ERH: variants seen among roughly 807,000 people sequenced by gnomAD.
ERH encodes enhancer of rudimentary homolog.
ERH carries 1 observed loss-of-function variant against 16.8 expected under a neutral mutation model. That is an observed-to-expected ratio of 0.06 (90% confidence interval 0.02 to 0.28). The LOEUF (loss-of-function observed/expected upper bound fraction) is 0.28. Among genes scored for constraint, ERH ranks in the 10% least tolerant of loss-of-function variants. The pLI is 1.00. For missense variants in ERH, 42 were observed against 127.5 expected (o/e 0.33, Z 3.23); for synonymous variants, 43 against 43.6 (o/e 0.99, Z 0.05).
chr14:69,390,483 C>T lies in ERH; in HGVS notation c.92-3400G>A, dbSNP rs542742722. On this transcript the variant is annotated intron_variant, in intron 2 of 3. Coordinates refer to ENST00000557016, the MANE Select transcript of ERH (RefSeq NM_004450.3). ...AGAACAGTATTTTCAACAAATGATG[C>T]TAGGACAACAGGATAGTCACATGTG... Among the ~76,000 whole-genome samples the T allele has an allele frequency of 1.1e-4, 16 of 152,146 alleles. 1 individual carries two copies. The highest frequency in any genetic ancestry group is 1.9e-4 in the Non-Finnish European group (13 of 68,024).
chr14:69,397,462 A>C (rs962726160), intron 1 of ERH, among the ~76,000 whole-genome samples: 2 of 152,118 alleles, frequency 1.3e-5, no homozygotes, highest in Non-Finnish European at 2.9e-5. Context: ...GAAAAAAAAA[A>C]AAAAGGCAGA....
chr14:69,387,827 G>A (rs75431751), intron 2 of ERH, among the ~76,000 whole-genome samples: 17,259 of 152,068 alleles, frequency 0.11, 1,080 homozygotes, highest in East Asian at 0.18. Flanking sequence ...GGCGGATCAC[G>A]AGGTCAGGAG....
intron 2 of ERH, among the ~76,000 whole-genome samples, chr14:69,388,582 G>A (rs1308431275): frequency 6.6e-6 from 1 of 152,068 alleles, no homozygotes; most frequent in Non-Finnish European, 1.5e-5. Context: ...GGCTGATCTT[G>A]AACTCCTGAC....
Position 69,380,680 on chromosome 14 carries a change from A to G in ERH, c.213-40T>C, listed in dbSNP as rs186509328. 1.7e-5 allele frequency: 20 copies of G among 1,180,426 alleles called. No homozygotes were observed. The East Asian group carries it at 4.5e-4, about 26-fold the overall frequency. 73.1% of individuals were successfully genotyped at this position (1,180,426 alleles called of 1,614,324 possible). A position where few individuals can be genotyped will look rare whatever the true frequency, so the allele number is the denominator to read the frequency against. ...GGAATAAGCAAAGTCACAGTGGTCAATCACTGCCAGGTGTTTAAATCCCCA... is the reference window on the plus strand; with the variant it reads ...GGAATAAGCAAAGTCACAGTGGTCAGTCACTGCCAGGTGTTTAAATCCCCA... On this transcript the variant is annotated intron_variant, in intron 3 of 3. Transcript: ENST00000557016.
rs754054053 is a variant in ERH at position 69,398,189 on chromosome 14, G to A, written c.3+42C>T. On this transcript the variant is annotated intron_variant, in intron 1 of 3. Transcript: ENST00000557016. ...GTATGGGGCTGGGGTCGCTCTGGAGGCCGGGGACTCGGACTCGGGTAGCCG... is the reference window on the plus strand; with the variant it reads ...GTATGGGGCTGGGGTCGCTCTGGAGACCGGGGACTCGGACTCGGGTAGCCG... The A allele has an allele frequency of 8.0e-5, 129 of 1,613,234 alleles. 1 individual carries two copies. The South Asian group carries it at 1.2e-3, about 15-fold the overall frequency.
At chr14:69,391,654 C>CAAAAAAAA (rs58399149) in intron 2 of ERH, among the ~76,000 whole-genome samples, 2 of 21,986 alleles carry the variant, frequency 9.1e-5, no homozygotes, top group African/African-American at 1.3e-4. Context: ...TCTCGCACGC[C>CAAAAAAAA]AAAAAAAAAA....
Position 69,380,521 on chromosome 14 carries a change from C to A in ERH, c.*17G>T, listed in dbSNP as rs1415475154. On this transcript the variant is annotated 3_prime_UTR_variant, in exon 4 of 4. Transcript: ENST00000557016. ...TGTTCCAAGCCCACCCCAACCCCCC[C>A]AGTGCTTCCAACACAATTATTTCCC... 1.5e-6 allele frequency: 2 copies of A among 1,367,760 alleles called. No homozygotes were observed. The highest frequency in any genetic ancestry group is 1.7e-5 in the Admixed American group (1 of 59,610). The allele number at this position is 1,367,760 out of a possible 1,614,324, so 84.7% of individuals were successfully genotyped here.
chr14:69,396,896 G>C (rs895870012), intron 1 of ERH, among the ~76,000 whole-genome samples: 2 of 152,192 alleles, frequency 1.3e-5, no homozygotes, highest in African/African-American at 4.8e-5. Context: ...TACTCAAAAA[G>C]TTTCAACGAG....
intron 3 of ERH, among the ~76,000 whole-genome samples, chr14:69,381,971 G>A (rs1031010739): frequency 2.6e-5 from 4 of 152,180 alleles, no homozygotes; most frequent in Admixed American, 6.5e-5. Flanking sequence ...GATTACAGGC[G>A]TGAGCCACCG....
At chr14:69,387,859 A>T (rs763224672) in intron 2 of ERH, among the ~76,000 whole-genome samples, 1 of 152,150 alleles carries the variant, frequency 6.6e-6, no homozygotes, top group Non-Finnish European at 1.5e-5. Context: ...CCTGGCCAAC[A>T]CAGTGAAACC....
At chr14:69,386,799 T>C in intron 3 of ERH, 164 bp downstream of exon 3, 1 of 566,532 alleles carries the variant, frequency 1.8e-6, no homozygotes. Context: ...GGCTTTATGT[T>C]GCCAATCTCT....
At chr14:69,387,849 C>T (rs1309951291) in intron 2 of ERH, among the ~76,000 whole-genome samples, 1 of 152,136 alleles carries the variant, frequency 6.6e-6, no homozygotes, top group East Asian at 1.9e-4. Context: ...TAGAGACCAT[C>T]CTGGCCAACA....
intron 3 of ERH, among the ~76,000 whole-genome samples, chr14:69,386,081 T>C (rs189528088): frequency 3.9e-4 from 60 of 152,346 alleles, no homozygotes; most frequent in African/African-American, 1.4e-3. Flanking sequence ...GCAACATTCA[T>C]TTGAATGTTC....
chr14:69,394,072 TAAG>T (rs1882280315), intron 2 of ERH, among the ~76,000 whole-genome samples: 2 of 151,132 alleles, frequency 1.3e-5, no homozygotes, highest in Non-Finnish European at 2.9e-5. Context: ...TATATCTATA[TAAG>T]AAGACTACAC....
At chr14:69,387,395 T>C (rs2045898862) in intron 2 of ERH, among the ~76,000 whole-genome samples, 1 of 152,040 alleles carries the variant, frequency 6.6e-6, no homozygotes, top group South Asian at 2.1e-4. Flanking sequence ...ACCTCATCTC[T>C]ACAAAAATTA....
At chr14:69,388,701 C>A (rs1267309039) in intron 2 of ERH, among the ~76,000 whole-genome samples, 1 of 152,154 alleles carries the variant, frequency 6.6e-6, no homozygotes, top group Non-Finnish European at 1.5e-5. Context: ...GGAGAATACA[C>A]CTTTTCAGTC....
Position 69,388,607 on chromosome 14 carries a change from G to C in ERH, c.92-1524C>G, listed in dbSNP as rs61982361. 9.1e-3 allele frequency among the ~76,000 whole-genome samples: 1,381 copies of C among 152,124 alleles called. 13 individuals are homozygous for C. The highest frequency in any genetic ancestry group is 0.014 in the Non-Finnish European group (945 of 67,988). On this transcript the variant is annotated intron_variant, in intron 2 of 3. Transcript: ENST00000557016. ...GAACTCCTGACCTCAGGTGATCAGC[G>C]TGCCTCAGCCTCCCAAAGGGCTGGG...
intron 2 of ERH, among the ~76,000 whole-genome samples, chr14:69,393,353 G>A (rs1882257760): frequency 1.3e-5 from 2 of 152,096 alleles, no homozygotes; most frequent in East Asian, 2.0e-4. Context: ...GCACTCATAC[G>A]TTTACGGCAG....
intron 1 of ERH, among the ~76,000 whole-genome samples, chr14:69,396,872 C>CT (rs1882349566): frequency 6.6e-6 from 1 of 152,202 alleles, no homozygotes; most frequent in Non-Finnish European, 1.5e-5. Context: ...ATACAGAAGT[C>CT]TTTGTAAGCT....
Sources: allele counts gnomAD v4.1 joint callset (sites outside exome capture counted in the v4.1 genomes callset), GRCh38; gene constraint gnomAD v4.1.1; transcripts MANE v1.5; gene names NCBI Gene and HGNC (gene_info 2026-07-23, HGNC 2026-07-21).